CCDC146: variants seen among roughly 807,000 people sequenced by gnomAD.
CCDC146 encodes coiled-coil domain-containing protein 146.
In CCDC146, 92 loss-of-function variants were observed where a neutral mutation model predicts 119.3. The ratio of observed to expected loss-of-function variants is 0.77; its 90% CI spans 0.65 to 0.92. The LOEUF (loss-of-function observed/expected upper bound fraction) is 0.92, where lower values mean the gene tolerates loss of function less well. CCDC146 is among the 40% of genes least tolerant of loss of function. The pLI is 0.00. For missense variants in CCDC146, 1,000 were observed against 1,103.0 expected (o/e 0.91, Z 1.32); for synonymous variants, 372 against 371.8 (o/e 1.00, Z -0.01).
intron 14 of CCDC146, among the ~76,000 whole-genome samples, chr7:77,281,690 GTACAACCACATGCATGCATGTTT>G (rs1793767385): frequency 1.3e-5 from 2 of 152,188 alleles, no homozygotes; most frequent in Admixed American, 1.3e-4. Flanking sequence ...GATTAGCTGA[GTACAACCACATGCATGCATGTTT>G]TGAGGAAGGG....
intron 1 of CCDC146, among the ~76,000 whole-genome samples, chr7:77,132,052 T>C (rs1790792337): frequency 6.6e-6 from 1 of 152,188 alleles, no homozygotes; most frequent in African/African-American, 2.4e-5. Flanking sequence ...TTTTACTCTA[T>C]GTAAATTTAA....
intron 2 of CCDC146, among the ~76,000 whole-genome samples, chr7:77,190,294 A>G (rs551885702): frequency 1.3e-5 from 2 of 152,378 alleles, no homozygotes; most frequent in Admixed American, 6.5e-5. Context: ...TCTGGTAAAT[A>G]TACCTATACC....
chr7:77,257,732 T>C (rs1793207987), intron 6 of CCDC146, among the ~76,000 whole-genome samples: 1 of 152,188 alleles, frequency 6.6e-6, no homozygotes, highest in Non-Finnish European at 1.5e-5. Flanking sequence ...GCATGTGTGT[T>C]ACCCCTGGCT....
chr7:77,148,744 A>G (rs183936210), intron 1 of CCDC146, among the ~76,000 whole-genome samples: 16 of 152,286 alleles, frequency 1.1e-4, no homozygotes, highest in Non-Finnish European at 1.8e-4. Context: ...TTCAAAGAGA[A>G]TAAAATACCT....
intron 9 of CCDC146, among the ~76,000 whole-genome samples, chr7:77,270,055 G>A (rs1793481273): frequency 6.6e-6 from 1 of 152,166 alleles, no homozygotes; most frequent in Non-Finnish European, 1.5e-5. Flanking sequence ...CGTTTGACTT[G>A]TACATAGAGA....
intron 2 of CCDC146, among the ~76,000 whole-genome samples, chr7:77,222,390 C>T (rs1196226740): frequency 2.0e-5 from 3 of 152,162 alleles, no homozygotes; most frequent in Non-Finnish European, 4.4e-5. Flanking sequence ...ATCTTCAAAA[C>T]ATGAAGGTGG....
At chr7:77,214,949 A>C (rs1382281669) in intron 2 of CCDC146, among the ~76,000 whole-genome samples, 2 of 152,212 alleles carry the variant, frequency 1.3e-5, no homozygotes, top group East Asian at 3.9e-4. Context: ...TGCTATTAAT[A>C]ATACTTGCCT....
chr7:77,234,020 C>T (rs3114306), intron 2 of CCDC146, among the ~76,000 whole-genome samples: 1 of 151,622 alleles, frequency 6.6e-6, no homozygotes, highest in African/African-American at 2.4e-5. Flanking sequence ...AAGTAATGGT[C>T]TTTTTAGCTT....
chr7:77,226,349 G>C (rs987306778), intron 2 of CCDC146, among the ~76,000 whole-genome samples: 1 of 152,314 alleles, frequency 6.6e-6, no homozygotes, highest in Non-Finnish European at 1.5e-5. Context: ...CAAGAACAGG[G>C]TAGGCAAATA....
At chr7:77,234,972 G>A (rs1292455702) in intron 2 of CCDC146, among the ~76,000 whole-genome samples, 1 of 152,076 alleles carries the variant, frequency 6.6e-6, no homozygotes, top group Non-Finnish European at 1.5e-5. Context: ...GTTTCATAAT[G>A]CATTTAACAT....
chr7:77,187,207 G>A (rs889216515), intron 2 of CCDC146, among the ~76,000 whole-genome samples: 6 of 152,114 alleles, frequency 3.9e-5, no homozygotes, highest in African/African-American at 1.2e-4. Flanking sequence ...AAACCCACTG[G>A]GAAGCAGTAG....
intron 2 of CCDC146, among the ~76,000 whole-genome samples, chr7:77,188,673 C>G (rs1051275588): frequency 2.6e-5 from 4 of 152,180 alleles, no homozygotes; most frequent in African/African-American, 9.7e-5. Flanking sequence ...ATTTTGCTGT[C>G]AGGTGTCTTC....
chr7:77,250,709 C>T (rs1793040152), intron 4 of CCDC146, among the ~76,000 whole-genome samples: 2 of 152,162 alleles, frequency 1.3e-5, no homozygotes, highest in South Asian at 4.1e-4. Context: ...AATTCTCAGA[C>T]ATTATTGCTT....
intron 2 of CCDC146, among the ~76,000 whole-genome samples, chr7:77,225,930 C>T (rs371488868): frequency 2.0e-4 from 21 of 104,880 alleles, no homozygotes; most frequent in African/African-American, 6.9e-4. Flanking sequence ...GCAACAAGAG[C>T]GAAACTTCAT....
intron 2 of CCDC146, chr7:77,199,946 C>T: frequency 1.2e-6 from 1 of 829,112 alleles, no homozygotes; most frequent in Non-Finnish European, 1.8e-6. Context: ...GGAGATAGCC[C>T]TCATCAAACG....
At chr7:77,232,800 G>A (rs967373749) in intron 2 of CCDC146, among the ~76,000 whole-genome samples, 7 of 152,122 alleles carry the variant, frequency 4.6e-5, no homozygotes, top group South Asian at 2.1e-4. Context: ...GAGTGCTACC[G>A]TTTCTTAGAT....
rs578092818 is a variant in CCDC146 at position 77,154,883 on chromosome 7, T to C, written c.-11-12775T>C. Among the ~76,000 whole-genome samples the C allele has an allele frequency of 8.5e-5, 13 of 152,150 alleles. No homozygotes were observed. The South Asian group carries it at 2.5e-3, about 29-fold the overall frequency. On this transcript the variant is annotated intron_variant, in intron 1 of 18. Transcript: ENST00000285871. ...AGATCCTTGAGGAATCGCCACACTG[T>C]CTTCCACAGTGGGACTTTTCTAACG...
intron 1 of CCDC146, among the ~76,000 whole-genome samples, chr7:77,163,187 C>A (rs1962816): frequency 0.11 from 16,428 of 152,192 alleles, 2,904 homozygotes; most frequent in African/African-American, 0.37. Context: ...GTGGCTCATG[C>A]CTGTAATCCC....
intron 11 of CCDC146, among the ~76,000 whole-genome samples, chr7:77,276,120 CGTTTGAACCTAGGAGGTGGAG>C (rs1293419998): frequency 6.8e-6 from 1 of 146,778 alleles, no homozygotes. Flanking sequence ...GCAGGAGAAT[CGTTTGAACCTAGGAGGTGGAG>C]GTTGTAGTGA....
Sources: allele counts gnomAD v4.1 joint callset (sites outside exome capture counted in the v4.1 genomes callset), GRCh38; gene constraint gnomAD v4.1.1; transcripts MANE v1.5; gene names NCBI Gene and HGNC (gene_info 2026-07-23, HGNC 2026-07-21).